The following ZFP28 variants were observed in gnomAD, a reference collection of about 807,000 sequenced individuals.
ZFP28 encodes ZFP28 zinc finger protein.
ZFP28 carries 31 observed loss-of-function variants against 39.5 expected under a neutral mutation model. The ratio of observed to expected loss-of-function variants is 0.79; its 90% CI spans 0.59 to 1.06. The LOEUF (loss-of-function observed/expected upper bound fraction) is 1.06, where lower values mean the gene tolerates loss of function less well. Ranked by LOEUF, ZFP28 falls within the 50% of genes least tolerant of loss-of-function variation. The pLI is 0.00. For missense variants in ZFP28, 925 were observed against 1,048.4 expected, an observed-to-expected ratio of 0.88 and a Z score of 1.63; for synonymous variants, 400 against 378.6, an observed-to-expected ratio of 1.06 and a Z score of -0.66.
chr19:56,551,955 T>C, intron 7 of ZFP28: 1 of 977,202 alleles, frequency 1.0e-6, no homozygotes, highest in Non-Finnish European at 1.2e-6. Context: ...TTAGGTCTTT[T>C]AAAATTATGA....
rs376637945 is a variant in ZFP28 at position 56,554,369 on chromosome 19, T to A, written c.1584T>A (p.Thr528=). The change falls in exon 8 of 8, where the codon ACT becomes ACA. Residue 528 remains threonine, a synonymous_variant. Coordinates refer to ENST00000301318, the MANE Select transcript of ZFP28 (RefSeq NM_020828.2). The surrounding 1 kb of genome is among the most constrained non-coding windows in gnomAD (Gnocchi z 6.7). ...IGLNQHRRIH[T]GEKPYKCDVC... ...TTAATCAACACAGGAGAATTCATACTGGAGAGAAACCTTACAAATGTGATG... is the reference window on the plus strand; with the variant it reads ...TTAATCAACACAGGAGAATTCATACAGGAGAGAAACCTTACAAATGTGATG... The A allele has an allele frequency of 2.5e-6, 4 of 1,614,166 alleles. No homozygotes were observed. The highest frequency in any genetic ancestry group is 3.4e-6 in the Non-Finnish European group (4 of 1,180,046).
intron 4 of ZFP28, 128 bp from the exon 5 acceptor site, chr19:56,548,830 C>T: frequency 9.8e-7 from 1 of 1,015,322 alleles, no homozygotes; most frequent in Non-Finnish European, 1.4e-6. Context: ...ATATGCTTTT[C>T]ATTTTCTTCC....
At chr19:56,538,372 A>T (rs1255835443), upstream of ZFP28, 1 of 152,268 alleles carries the variant, frequency 6.6e-6, no homozygotes, top group East Asian at 1.9e-4. Flanking sequence ...ACAGCCAAGC[A>T]CCCTTTTACT....
chr19:56,549,128 C>A lies in ZFP28; in HGVS notation c.687+7C>A. ...TCTGTTTGAGACACAGCCGGTAAGT[C>A]ACAAGACAAATTTCAGGCAAGAGGA... On this transcript the variant is annotated splice_region_variant and intron_variant, in intron 5 of 7. Coordinates refer to ENST00000301318, the MANE Select transcript of ZFP28 (RefSeq NM_020828.2). The A allele has an allele frequency of 6.3e-7, 1 of 1,593,300 alleles. No individual in the cohort carries two copies. Among genetic ancestry groups the A allele is most frequent in the South Asian group, 1.1e-5 (1 of 87,362 alleles).
chr19:56,554,100 C>G lies in ZFP28; in HGVS notation c.1315C>G (p.Gln439Glu). The G allele has an allele frequency of 6.2e-7, 1 of 1,614,212 alleles. No individual in the cohort carries two copies. The highest frequency in any genetic ancestry group is 8.5e-7 in the Non-Finnish European group (1 of 1,180,034). The change falls in exon 8 of 8, where the codon CAG becomes GAG. Residue 439 changes from glutamine (Q) to glutamate (E), a missense_variant. By Grantham distance (29) the Gln-to-Glu change is conservative. Transcript: ENST00000301318. This position sits in a 1 kb window ranked among gnomAD's most constrained non-coding sequence, Gnocchi z 6.7. ...FTQSSSLTVH[Q>E]RIHTGEKPYK... ...CCAGAGCTCATCTCTTACTGTTCATCAGAGAATTCACACTGGAGAGAAACC... is the reference window on the plus strand; with the variant it reads ...CCAGAGCTCATCTCTTACTGTTCATGAGAGAATTCACACTGGAGAGAAACC...
intron 2 of ZFP28, among the ~76,000 whole-genome samples, chr19:56,543,698 T>C (rs2044216259): frequency 6.6e-6 from 1 of 152,228 alleles, no homozygotes; most frequent in South Asian, 2.1e-4. Flanking sequence ...TGCATATTTA[T>C]GTTGCAGCAA....
chr19:56,539,180 ATCCAAAGG>A lies in ZFP28; in HGVS notation c.163_170del (p.Ser55ProfsTer37). The A allele has an allele frequency of 6.2e-7, 1 of 1,603,944 alleles. No individual in the cohort carries two copies. ...GGCCGCGCTCAAGGAATGGCCTCGC[ATCCAAAGG>A]CCAGCGAGGAGCGGCCCCTACGGGG... On this transcript the variant is annotated frameshift_variant, in exon 1 of 8. Transcript: ENST00000301318. LOFTEE classifies it high-confidence loss of function.
At chr19:56,552,810 C>T (rs949133598) in intron 7 of ZFP28, 3 of 152,122 alleles carry the variant, frequency 2.0e-5, no homozygotes, top group East Asian at 1.9e-4. Flanking sequence ...ATTTCTCTCT[C>T]CTTTATCACC....
In ZFP28 at chr19:56,539,138, C is replaced by T; in HGVS notation, c.120C>T (p.Ala40=). Residue 40 remains alanine (A), a synonymous_variant, in exon 1 of 8, where the codon GCC becomes GCT. Transcript: ENST00000301318. ...CTGTAGGGACTCCAGCCACCTTGGC[C>T]CTCCCTGCCCGGGGAAGGCCGCGCT... The part of the protein sequence containing the change: ...GPTVGTPATL[A]LPARGRPRSR... 6.3e-7 allele frequency: 1 copy of T among 1,591,040 alleles called. No individual in the cohort carries two copies. Among genetic ancestry groups the T allele is most frequent in the Non-Finnish European group, 8.5e-7 (1 of 1,173,284 alleles).
In ZFP28 at chr19:56,555,164, C is replaced by A; in HGVS notation, c.2379C>A (p.Thr793=). The A allele has an allele frequency of 6.2e-7, 1 of 1,614,092 alleles. No homozygotes were observed. The highest frequency in any genetic ancestry group is 8.5e-7 in the Non-Finnish European group (1 of 1,180,020). ...KPYECKECRK[T]FIQIGHLNQH... ...ATGAATGTAAGGAATGTAGGAAAACCTTCATCCAAATTGGACACCTTAATC... is the reference window on the plus strand; with the variant it reads ...ATGAATGTAAGGAATGTAGGAAAACATTCATCCAAATTGGACACCTTAATC... Residue 793 remains threonine, a synonymous_variant, in exon 8 of 8, where the codon ACC becomes ACA. Coordinates refer to ENST00000301318, the MANE Select transcript of ZFP28 (RefSeq NM_020828.2).
chr19:56,539,206 C>G lies in ZFP28; in HGVS notation c.188C>G (p.Pro63Arg). 2 of 1,598,156 alleles carry G rather than the reference C, an allele frequency of 1.3e-6. No individual in the cohort carries two copies. The highest frequency in any genetic ancestry group is 2.2e-5 in the South Asian group (2 of 89,386). ...LASKGQRGAA[P>R]TGPGHRALPS... The stretch of plus-strand genomic sequence containing the variant: ...TCCAAAGGCCAGCGAGGAGCGGCCC[C>G]TACGGGGCCTGGGCACAGAGGTGAG... Residue 63 changes from proline (P) to arginine (R), a missense_variant, in exon 1 of 8, where the codon CCT becomes CGT. Around this residue, in one of 2 missense-constraint regions of ZFP28, gnomAD observed 556 missense variants for 542.9 expected, o/e 1.02. Coordinates refer to ENST00000301318, the MANE Select transcript of ZFP28 (RefSeq NM_020828.2).
chr19:56,554,573 A>G lies in ZFP28; in HGVS notation c.1788A>G (p.Lys596=). ...CTTTTAAGTGTAAAGAGTGCGGAAA[A>G]GCTTTTAGGCAGAATATACACCTTG... is the stretch of plus-strand genomic sequence containing the variant. ...EKPFKCKECG[K]AFRQNIHLAS... The change falls in exon 8 of 8, where the codon AAA becomes AAG. Residue 596 remains lysine (K), a synonymous_variant. Transcript: ENST00000301318. This position sits in a 1 kb window ranked among gnomAD's most constrained non-coding sequence, Gnocchi z 6.7. The G allele has an allele frequency of 6.2e-7, 1 of 1,614,156 alleles. No homozygotes were observed. Among genetic ancestry groups the G allele is most frequent in the Non-Finnish European group, 8.5e-7 (1 of 1,180,018 alleles).
chr19:56,555,424 A>T lies in ZFP28; in HGVS notation c.*32A>T. On this transcript the variant is annotated 3_prime_UTR_variant, in exon 8 of 8. Coordinates refer to ENST00000301318, the MANE Select transcript of ZFP28 (RefSeq NM_020828.2). ...GACGTCATTTCTGTTTGACTACTCCAGCAGTTTAAAACCCCATCTCCCTGC... is the reference window on the plus strand; with the variant it reads ...GACGTCATTTCTGTTTGACTACTCCTGCAGTTTAAAACCCCATCTCCCTGC... 2.6e-6 allele frequency: 4 copies of T among 1,563,444 alleles called. No individual in the cohort carries two copies. The highest frequency in any genetic ancestry group is 3.5e-6 in the Non-Finnish European group (4 of 1,157,568).
At position 56,556,716 on chromosome 19, in the gene ZFP28, C is replaced by A. The variant is rs1452204864; in HGVS notation, c.*1324C>A. The A allele has an allele frequency of 6.6e-6, 1 of 151,900 alleles. No individual in the cohort carries two copies. Among genetic ancestry groups the A allele is most frequent in the African/African-American group, 2.4e-5 (1 of 41,332 alleles). 9.4% of individuals were successfully genotyped at this position (151,900 alleles called of 1,614,324 possible). A position where few individuals can be genotyped will look rare whatever the true frequency, so the allele number is the denominator to read the frequency against. ...AACAAGAAAACAAATGATAAAGGAA[C>A]TCATTTATCAATAGAGGTGAAAGGA... On this transcript the variant is annotated 3_prime_UTR_variant, in exon 8 of 8. Transcript: ENST00000301318.
At position 56,554,453 on chromosome 19, in the gene ZFP28, C is replaced by T. The variant is rs138895004; in HGVS notation, c.1668C>T (p.Thr556=). Residue 556 remains threonine, a synonymous_variant, in exon 8 of 8, where the codon ACC becomes ACT. Coordinates refer to ENST00000301318, the MANE Select transcript of ZFP28 (RefSeq NM_020828.2). This position sits in a 1 kb window ranked among gnomAD's most constrained non-coding sequence, Gnocchi z 6.7. The part of the protein sequence containing the change: ...SSLTVHQRIH[T]GEKPYECDVC... Reference sequence around the variant, plus strand: ...TTACTGTACATCAAAGGATTCATACCGGAGAAAAACCATATGAATGTGATG... The same window carrying T: ...TTACTGTACATCAAAGGATTCATACTGGAGAAAAACCATATGAATGTGATG... The T allele has an allele frequency of 1.5e-4, 250 of 1,613,954 alleles. No homozygotes were observed. The highest frequency in any genetic ancestry group is 8.0e-4 in the East Asian group (36 of 44,880).
chr19:56,550,867 CT>C (rs1259810191), intron 7 of ZFP28: 1 of 1,444,408 alleles, frequency 6.9e-7, no homozygotes, highest in African/African-American at 1.4e-5. Context: ...CTTAAATGAT[CT>C]TTTCTGGACC....
chr19:56,555,609 A>G lies in ZFP28; in HGVS notation c.*217A>G. ...TCCATAGTAAGTGCTCAGTAAACTT[A>G]GCTGTTTTAAAAACTTTGTATTTGA... On this transcript the variant is annotated 3_prime_UTR_variant, in exon 8 of 8. Coordinates refer to ENST00000301318, the MANE Select transcript of ZFP28 (RefSeq NM_020828.2). 1.7e-6 allele frequency: 1 copy of G among 575,948 alleles called. No individual in the cohort carries two copies. The highest frequency in any genetic ancestry group is 2.8e-6 in the Non-Finnish European group (1 of 356,916). 35.7% of individuals were successfully genotyped at this position (575,948 alleles called of 1,614,324 possible).
In ZFP28 at chr19:56,554,369, T is replaced by C; in HGVS notation, c.1584T>C (p.Thr528=). 3 of 1,614,166 alleles carry C rather than the reference T, an allele frequency of 1.9e-6. No homozygotes were observed. Among genetic ancestry groups the C allele is most frequent in the East Asian group, 2.2e-5 (1 of 44,886 alleles). The change falls in exon 8 of 8, where the codon ACT becomes ACC. Residue 528 remains threonine, a synonymous_variant. Transcript: ENST00000301318. The surrounding 1 kb of genome is among the most constrained non-coding windows in gnomAD (Gnocchi z 6.7). ...TTAATCAACACAGGAGAATTCATACTGGAGAGAAACCTTACAAATGTGATG... is the reference window on the plus strand; with the variant it reads ...TTAATCAACACAGGAGAATTCATACCGGAGAGAAACCTTACAAATGTGATG... ...IGLNQHRRIH[T]GEKPYKCDVC...
chr19:56,550,284 C>A, intron 6 of ZFP28, 103 bp downstream of exon 6: 1 of 1,197,886 alleles, frequency 8.3e-7, no homozygotes, highest in Non-Finnish European at 1.2e-6. Flanking sequence ...TTCTGACATG[C>A]TGGCCTGAAT....
Sources: allele counts gnomAD v4.1 joint callset (sites outside exome capture counted in the v4.1 genomes callset), GRCh38; gene constraint gnomAD v4.1.1; regional missense constraint gnomAD v4.1.1; non-coding constraint Gnocchi (gnomAD v3.1); transcripts MANE v1.5; gene names NCBI Gene and HGNC (gene_info 2026-07-23, HGNC 2026-07-21).